The following LVRN variants were observed in gnomAD, a reference collection of about 807,000 sequenced individuals.
LVRN encodes the protein laeverin.
A neutral mutation model predicts 111.4 loss-of-function variants in LVRN; 99 were observed. The observed-to-expected ratio is 0.89, with a 90% CI of 0.76 to 1.05. The LOEUF is 1.05. Among genes scored for constraint, LVRN ranks in the 50% least tolerant of loss-of-function variants. The pLI is 0.00. For missense variants in LVRN, 1,414 were observed against 1,206.8 expected, an observed-to-expected ratio of 1.17 and a Z score of -2.54; for synonymous variants, 488 against 449.5, an observed-to-expected ratio of 1.09 and a Z score of -1.08.
At position 115,984,685 on chromosome 5, in the gene LVRN, C is replaced by T. The variant is rs763346153; in HGVS notation, c.954C>T (p.Val318=). The part of the protein sequence containing the change: ...VAFVICDYDH[V]NRTERGKEIR... ...TTGTTATATGTGACTATGACCACGT[C>T]AACAGAACAGAAAGGGGCAAGGAGG... The change falls in exon 3 of 20, where the codon GTC becomes GTT. Residue 318 remains valine (V), a synonymous_variant. Transcript: ENST00000357872. 1 of 1,613,568 alleles carries T rather than the reference C, an allele frequency of 6.2e-7. No homozygotes were observed. Among genetic ancestry groups the T allele is most frequent in the Non-Finnish European group, 8.5e-7 (1 of 1,179,706 alleles).
intron 5 of LVRN, among the ~76,000 whole-genome samples, chr5:115,992,493 G>T (rs1040988088): frequency 6.6e-6 from 1 of 152,164 alleles, no homozygotes; most frequent in African/African-American, 2.4e-5. Flanking sequence ...GTACAGTTTG[G>T]CTGAGGGCTG....
At chr5:116,022,713 C>A (rs577423174) in intron 19 of LVRN, among the ~76,000 whole-genome samples, 2 of 152,350 alleles carry the variant, frequency 1.3e-5, no homozygotes, top group South Asian at 4.1e-4. Flanking sequence ...GCCCAGGGTT[C>A]CCGTCCCAGA....
rs772704448 is a variant in LVRN at position 115,963,233 on chromosome 5, C to G, written c.616C>G (p.Leu206Val). ...LKPGSSYELQ[L>V]SFSGLVKEDL... ...ACCTGGTAGCAGCTACGAGCTGCAG[C>G]TTAGCTTCTCGGGCCTGGTGAAGGA... Residue 206 changes from leucine to valine, a missense_variant, in exon 1 of 20, where the codon CTT becomes GTT. Coordinates refer to ENST00000357872, the MANE Select transcript of LVRN (RefSeq NM_173800.5). The G allele has an allele frequency of 1.2e-6, 2 of 1,612,910 alleles. No homozygotes were observed. The highest frequency in any genetic ancestry group is 1.7e-6 in the Non-Finnish European group (2 of 1,179,912).
At chr5:115,990,921 G>A (rs1335654025) in intron 4 of LVRN, among the ~76,000 whole-genome samples, 2 of 152,146 alleles carry the variant, frequency 1.3e-5, no homozygotes, top group East Asian at 3.9e-4. Context: ...AAGGTTTACA[G>A]GAAGATTGTG....
Position 115,984,605 on chromosome 5 carries a change from T to A in LVRN, c.874T>A (p.Trp292Arg). The change falls in exon 3 of 20, where the codon TGG (tryptophan) becomes AGG (arginine). Residue 292 changes from tryptophan to arginine, a missense_variant. Trp to Arg is a moderately radical substitution (Grantham distance 101). Transcript: ENST00000357872. The stretch of plus-strand genomic sequence containing the variant: ...AAAAGAAGATGTGAATGGAAGCAAA[T>A]GGACTGTTACAACCTTTTCCACTAC... ...SEKEDVNGSK[W>R]TVTTFSTTPH... The A allele has an allele frequency of 6.2e-7, 1 of 1,613,572 alleles. No homozygotes were observed. Among genetic ancestry groups the A allele is most frequent in the Non-Finnish European group, 8.5e-7 (1 of 1,179,720 alleles).
At chr5:116,016,819 G>A (rs181395179) in intron 18 of LVRN, among the ~76,000 whole-genome samples, 24 of 152,056 alleles carry the variant, frequency 1.6e-4, no homozygotes, top group African/African-American at 5.1e-4. Context: ...AAGACTGATG[G>A]GAGAAACAAA....
rs1345543509 is a variant in LVRN, at chr5:115,962,807, C to A, written c.190C>A (p.Gln64Lys). The A allele has an allele frequency of 6.2e-7, 1 of 1,611,986 alleles. No homozygotes were observed. Among genetic ancestry groups the A allele is most frequent in the South Asian group, 1.1e-5 (1 of 90,976 alleles). ...AGCCGAGTCTTCCCCTCCCCTCAGG[C>A]AGAAGCCGACGCCAACCCCGAAACC... ...LEAESSPPLR[Q>K]KPTPTPKPSS... is the part of the protein sequence containing the mutation. The change falls in exon 1 of 20, where the codon CAG (glutamine) becomes AAG (lysine). Residue 64 changes from glutamine to lysine, a missense_variant. Gln to Lys is a moderately conservative substitution (Grantham distance 53, BLOSUM62 1). Coordinates refer to ENST00000357872, the MANE Select transcript of LVRN (RefSeq NM_173800.5).
chr5:115,982,682 A>G (rs1753584965), intron 1 of LVRN, among the ~76,000 whole-genome samples: 1 of 151,770 alleles, frequency 6.6e-6, no homozygotes, highest in Non-Finnish European at 1.5e-5. Context: ...GGATAATGTC[A>G]CTCTTTGTAT....
intron 13 of LVRN, 41 bp from the exon 14 acceptor site, chr5:116,010,700 A>C (rs982318633): frequency 1.3e-6 from 2 of 1,565,972 alleles, no homozygotes; most frequent in Non-Finnish European, 1.7e-6. Context: ...TTACTTAGCA[A>C]GTGAAGGTTT....
intron 1 of LVRN, among the ~76,000 whole-genome samples, chr5:115,974,009 C>T (rs748800144): frequency 6.6e-6 from 1 of 152,116 alleles, no homozygotes; most frequent in Non-Finnish European, 1.5e-5. Context: ...CATAACCCAG[C>T]TTTGGGAACA....
At chr5:115,980,619 A>G (rs1179830024) in intron 1 of LVRN, among the ~76,000 whole-genome samples, 1 of 152,090 alleles carries the variant, frequency 6.6e-6, no homozygotes. Flanking sequence ...CTTAAGGAGT[A>G]TAATTTTCTC....
At chr5:116,005,835 A>T in intron 12 of LVRN, 77 bp from the exon 13 acceptor site, 1 of 1,244,644 alleles carries the variant, frequency 8.0e-7, no homozygotes, top group Non-Finnish European at 1.2e-6. Flanking sequence ...AGTAATCTTT[A>T]AATTGTTGTT....
chr5:115,996,074 C>T (rs766022372), intron 6 of LVRN, among the ~76,000 whole-genome samples: 2 of 152,134 alleles, frequency 1.3e-5, no homozygotes, highest in African/African-American at 2.4e-5. Flanking sequence ...TCTTTCATAA[C>T]TTTTATTCAC....
chr5:115,984,460 G>A, intron 2 of LVRN, 110 bp from the exon 3 acceptor site: 1 of 1,317,998 alleles, frequency 7.6e-7, no homozygotes, highest in Non-Finnish European at 1.0e-6. Flanking sequence ...GCTAGACTAT[G>A]AGGAATAGCT....
chr5:116,006,596 A>G (rs1748379864), intron 13 of LVRN, among the ~76,000 whole-genome samples: 1 of 152,132 alleles, frequency 6.6e-6, no homozygotes, highest in African/African-American at 2.4e-5. Context: ...CTGATATGCA[A>G]ACCTGGTTCT....
rs1267421242 is a variant in LVRN at position 116,015,550 on chromosome 5, G to C, written c.2619-78G>C. ...GTGCTTCACTACCTTAGAACCATGG[G>C]ATTTTGATTTTGTTTATTTAAATTA... On this transcript the variant is annotated intron_variant, in intron 17 of 19. Transcript: ENST00000357872. 3 of 1,515,528 alleles carry C rather than the reference G, an allele frequency of 2.0e-6. No individual in the cohort carries two copies. The East Asian group carries it at 7.0e-5, about 35-fold the overall frequency. 93.9% of individuals were successfully genotyped at this position (1,515,528 alleles called of 1,614,324 possible).
chr5:116,007,875 C>G (rs62386567), intron 13 of LVRN, among the ~76,000 whole-genome samples: 1 of 152,188 alleles, frequency 6.6e-6, no homozygotes, highest in Admixed American at 6.5e-5. Flanking sequence ...TTACAGTAAT[C>G]TGTGAACAGG....
intron 3 of LVRN, among the ~76,000 whole-genome samples, chr5:115,987,539 A>G (rs949799090): frequency 6.6e-6 from 1 of 152,178 alleles, no homozygotes; most frequent in African/African-American, 2.4e-5. Flanking sequence ...AGATGCTGGT[A>G]CAACCCATTC....
chr5:115,977,828 C>A (rs1397715918), intron 1 of LVRN, among the ~76,000 whole-genome samples: 1 of 152,150 alleles, frequency 6.6e-6, no homozygotes, highest in Non-Finnish European at 1.5e-5. Flanking sequence ...AATGAGAGAA[C>A]TCATACACTC....
Sources: gnomAD v4.1 joint callset for allele counts (sites outside exome capture counted in the v4.1 genomes callset) on GRCh38, gnomAD v4.1.1 for gene constraint, MANE v1.5 for transcripts, NCBI Gene and HGNC (gene_info 2026-07-23, HGNC 2026-07-21) for gene names.